Variants in PRKAR1B observed in about 807,000 individuals in gnomAD.
PRKAR1B encodes cAMP-dependent protein kinase type I-beta regulatory subunit.
PRKAR1B carries 22 observed loss-of-function variants against 46.5 expected under a neutral mutation model. The observed-to-expected ratio is 0.47, with a 90% CI of 0.34 to 0.68. The LOEUF is 0.68. PRKAR1B is among the 30% of genes least tolerant of loss of function. The probability of loss-of-function intolerance (pLI) is 0.01; values close to 1 mark genes in which losing one functional copy is unlikely to be tolerated. For synonymous variants in PRKAR1B, 259 were observed against 217.7 expected (o/e 1.19, Z -1.67); for missense variants, 445 against 535.6 (o/e 0.83, Z 1.67).
intron 1 of PRKAR1B, among the ~76,000 whole-genome samples, chr7:711,842 G>T (rs972891688): frequency 4.6e-5 from 7 of 151,716 alleles, no homozygotes; most frequent in Non-Finnish European, 7.4e-5. Context: ...TGGGAAGAGT[G>T]GGGGGGCCCG....
rs145784473 is a variant in PRKAR1B at position 556,014 on chromosome 7, C to T, written c.892-4544G>A. The stretch of plus-strand genomic sequence containing the variant: ...CCCTCCTATGCTCATCCCAGCAGTG[C>T]GGCCCCTCCGGGCCCCTGTCTCCCT... On this transcript the variant is annotated intron_variant, in intron 9 of 10. Coordinates refer to ENST00000537384, the MANE Select transcript of PRKAR1B (RefSeq NM_001164760.2). Among the ~76,000 whole-genome samples, 751 of 152,322 alleles carry T rather than the reference C, an allele frequency of 4.9e-3. 6 individuals carry two copies. The highest frequency in any genetic ancestry group is 7.3e-3 in the Non-Finnish European group (497 of 68,024).
intron 4 of PRKAR1B, among the ~76,000 whole-genome samples, chr7:659,410 A>T (rs755962872): frequency 1.3e-5 from 2 of 152,204 alleles, no homozygotes; most frequent in African/African-American, 2.4e-5. Context: ...CAACTGCCAC[A>T]TATGATTCAG....
At chr7:715,929 A>G (rs995498065) in intron 1 of PRKAR1B, among the ~76,000 whole-genome samples, 6 of 151,970 alleles carry the variant, frequency 3.9e-5, no homozygotes, top group Non-Finnish European at 8.8e-5. Flanking sequence ...GTTAGCCAGG[A>G]TGGTCTCGGT....
intron 9 of PRKAR1B, among the ~76,000 whole-genome samples, chr7:554,862 G>C (rs986493566): frequency 6.6e-6 from 1 of 152,044 alleles, no homozygotes; most frequent in South Asian, 2.1e-4. Context: ...CCACAGAGCC[G>C]GAAGATAGGG....
At chr7:603,778 G>C (rs1397549870) in intron 6 of PRKAR1B, among the ~76,000 whole-genome samples, 2 of 139,516 alleles carry the variant, frequency 1.4e-5, no homozygotes, top group African/African-American at 5.7e-5. Flanking sequence ...ACCCAGAGTG[G>C]AGGGGATGGG....
intron 4 of PRKAR1B, among the ~76,000 whole-genome samples, chr7:639,832 G>A (rs1381131976): frequency 6.6e-6 from 1 of 151,886 alleles, no homozygotes; most frequent in African/African-American, 2.4e-5. Flanking sequence ...ACTCCAGCCT[G>A]GGCAACAGAG....
intron 4 of PRKAR1B, among the ~76,000 whole-genome samples, chr7:636,699 C>T (rs1435534683): frequency 1.3e-5 from 2 of 152,246 alleles, no homozygotes; most frequent in Non-Finnish European, 2.9e-5. Flanking sequence ...CATTTCCACC[C>T]TCACAGAGGC....
rs1426245136 is a variant in PRKAR1B at position 644,976 on chromosome 7, G to A, written c.440+32253C>T. Among the ~76,000 whole-genome samples, 1 of 152,200 alleles carries A rather than the reference G, an allele frequency of 6.6e-6. No homozygotes were observed. The highest frequency in any genetic ancestry group is 2.4e-5 in the African/African-American group (1 of 41,456). On this transcript the variant is annotated intron_variant, in intron 4 of 10. Coordinates refer to ENST00000537384, the MANE Select transcript of PRKAR1B (RefSeq NM_001164760.2). The surrounding 1 kb of genome is among the most constrained non-coding windows in gnomAD (Gnocchi z 4.9). ...ACAAGCCTCTTCTCCGCAATGAGCCGTCTCTTCAGCCTCTATAAATAAGGC... is the reference window on the plus strand; with the variant it reads ...ACAAGCCTCTTCTCCGCAATGAGCCATCTCTTCAGCCTCTATAAATAAGGC...
chr7:665,233 G>A (rs372509115), intron 4 of PRKAR1B, among the ~76,000 whole-genome samples: 2 of 152,262 alleles, frequency 1.3e-5, no homozygotes, highest in East Asian at 1.9e-4. Flanking sequence ...GTCTTTTCCC[G>A]GCAGGTTAAT....
At chr7:636,888 C>G (rs1375532188) in intron 4 of PRKAR1B, among the ~76,000 whole-genome samples, 4 of 152,160 alleles carry the variant, frequency 2.6e-5, no homozygotes, top group Admixed American at 6.5e-5. Context: ...ACTGTGACCC[C>G]GCAAACCACG....
chr7:628,299 A>T (rs1783527624), intron 4 of PRKAR1B, among the ~76,000 whole-genome samples: 1 of 152,232 alleles, frequency 6.6e-6, no homozygotes, highest in Non-Finnish European at 1.5e-5. Context: ...CTCTGTGCCG[A>T]GCAAGTCAAA....
At chr7:634,121 C>T (rs1783908562) in intron 4 of PRKAR1B, among the ~76,000 whole-genome samples, 1 of 152,164 alleles carries the variant, frequency 6.6e-6, no homozygotes, top group African/African-American at 2.4e-5. Flanking sequence ...CTCCCAGGTT[C>T]ACGCCATTCT....
At chr7:679,308 A>T (rs1165759720) in intron 3 of PRKAR1B, among the ~76,000 whole-genome samples, 2 of 152,186 alleles carry the variant, frequency 1.3e-5, no homozygotes, top group Non-Finnish European at 2.9e-5. Context: ...TTTCTGTCCC[A>T]GGACCCCGTC....
At chr7:573,862 A>C (rs1220768457) in intron 9 of PRKAR1B, among the ~76,000 whole-genome samples, 1 of 152,102 alleles carries the variant, frequency 6.6e-6, no homozygotes, top group Non-Finnish European at 1.5e-5. Context: ...GCCGGTCCCC[A>C]CACCTGTCCT....
chr7:716,574 T>C (rs1780891528), intron 1 of PRKAR1B: 1 of 152,244 alleles, frequency 6.6e-6, no homozygotes. Flanking sequence ...GCCAGCTTAA[T>C]TGCTGTCTCC....
chr7:700,768 T>C (rs1167291893), intron 2 of PRKAR1B, among the ~76,000 whole-genome samples: 1 of 151,950 alleles, frequency 6.6e-6, no homozygotes, highest in African/African-American at 2.4e-5. Flanking sequence ...TAAATACAAA[T>C]TTTAGAACTG....
At chr7:671,886 A>C (rs1234635169) in intron 4 of PRKAR1B, among the ~76,000 whole-genome samples, 1 of 152,246 alleles carries the variant, frequency 6.6e-6, no homozygotes. Context: ...TGCCTGGAAC[A>C]GCCGTGCTGG....
intron 2 of PRKAR1B, among the ~76,000 whole-genome samples, chr7:688,317 A>C (rs1388816857): frequency 6.7e-6 from 1 of 149,086 alleles, no homozygotes; most frequent in African/African-American, 2.5e-5. Flanking sequence ...AGACAGGAGA[A>C]TTGCTTGATC....
chr7:678,520 C>T (rs936987364), intron 3 of PRKAR1B, among the ~76,000 whole-genome samples: 2 of 152,198 alleles, frequency 1.3e-5, no homozygotes, highest in Non-Finnish European at 2.9e-5. Flanking sequence ...TTCCCCACTC[C>T]CTCTCTGGAT....
Sources: allele counts gnomAD v4.1 joint callset (sites outside exome capture counted in the v4.1 genomes callset), GRCh38; gene constraint gnomAD v4.1.1; non-coding constraint Gnocchi (gnomAD v3.1); transcripts MANE v1.5; gene names NCBI Gene and HGNC (gene_info 2026-07-23, HGNC 2026-07-21).